Variants in EIF5B observed in about 807,000 individuals in gnomAD.
The protein encoded by EIF5B is eukaryotic translation initiation factor 5B.
A neutral mutation model predicts 147.5 loss-of-function variants in EIF5B; 47 were observed. That is an observed-to-expected ratio of 0.32 (90% CI 0.25 to 0.41). EIF5B has a LOEUF of 0.41. Ranked by LOEUF, EIF5B falls within the 10% of genes least tolerant of loss-of-function variation. EIF5B has a pLI of 1.00. For synonymous variants in EIF5B, 455 were observed against 456.2 expected, an observed-to-expected ratio of 1.00 and a Z score of 0.03; for missense variants, 1,064 against 1,413.2, an observed-to-expected ratio of 0.75 and a Z score of 3.96.
Position 99,394,702 on chromosome 2 carries a change from G to A in EIF5B, c.3090-17G>A, listed in dbSNP as rs1469025672. 3.7e-6 allele frequency: 6 copies of A among 1,610,258 alleles called. No homozygotes were observed. The highest frequency in any genetic ancestry group is 2.2e-5 in the South Asian group (2 of 90,524). The stretch of plus-strand genomic sequence containing the variant: ...TGTTTTTCACTGAATGGTCTTTGAT[G>A]TGTTTTAACCTTTTAGGTATGCAGT... On this transcript the variant is annotated splice_polypyrimidine_tract_variant and intron_variant, in intron 20 of 23. Coordinates refer to ENST00000289371, the MANE Select transcript of EIF5B (RefSeq NM_015904.4).
At chr2:99,386,546 T>G (rs956193936) in intron 14 of EIF5B, among the ~76,000 whole-genome samples, 9 of 150,756 alleles carry the variant, frequency 6.0e-5, no homozygotes, top group African/African-American at 2.0e-4. Flanking sequence ...TTTTTTTTTT[T>G]GGAGACCATC....
intron 21 of EIF5B, 126 bp from the exon 22 acceptor site, chr2:99,396,634 C>G (rs541027054): frequency 8.1e-7 from 1 of 1,234,122 alleles, no homozygotes; most frequent in Non-Finnish European, 1.1e-6. Context: ...CTGCCTGCCC[C>G]TCTCCTGTGG....
At chr2:99,382,657 G>A (rs1674714312) in intron 13 of EIF5B, 123 bp from the exon 14 acceptor site, 1 of 984,212 alleles carries the variant, frequency 1.0e-6, no homozygotes, top group East Asian at 2.8e-5. Flanking sequence ...AGGGCTAATA[G>A]TACTTGAACA....
chr2:99,374,727 G>A (rs1045971441), intron 9 of EIF5B, among the ~76,000 whole-genome samples: 11 of 152,174 alleles, frequency 7.2e-5, no homozygotes, highest in Non-Finnish European at 1.0e-4. Context: ...TTATCATGAC[G>A]TACCCAGAAT....
intron 17 of EIF5B, among the ~76,000 whole-genome samples, chr2:99,392,243 T>C (rs1674952606): frequency 1.3e-5 from 2 of 151,906 alleles, no homozygotes; most frequent in Admixed American, 1.3e-4. Context: ...CCCGGCTAAT[T>C]TTTGTATTTT....
chr2:99,383,033 C>CA (rs1674724376), intron 14 of EIF5B, 112 bp downstream of exon 14: 6 of 1,063,874 alleles, frequency 5.6e-6, no homozygotes, highest in Non-Finnish European at 7.7e-6. Flanking sequence ...TTGTGCTTCA[C>CA]TATATTGTGC....
chr2:99,385,124 G>A (rs558978427), intron 14 of EIF5B, among the ~76,000 whole-genome samples: 5 of 152,096 alleles, frequency 3.3e-5, no homozygotes, highest in South Asian at 4.2e-4. Context: ...TCAGCTCACC[G>A]CAACCTCTGC....
At chr2:99,338,989 C>T (rs60971723) in intron 1 of EIF5B, among the ~76,000 whole-genome samples, 14 of 58,740 alleles carry the variant, frequency 2.4e-4, no homozygotes, top group East Asian at 2.4e-3. Context: ...CAAATATATA[C>T]ACAAATATAT....
At chr2:99,365,678 T>G (rs992006188) in intron 6 of EIF5B, among the ~76,000 whole-genome samples, 9 of 151,842 alleles carry the variant, frequency 5.9e-5, no homozygotes, top group Admixed American at 5.2e-4. Context: ...TGGTGGACTT[T>G]TAGCATCAGT....
chr2:99,358,960 G>C (rs571329851), intron 1 of EIF5B, among the ~76,000 whole-genome samples: 1 of 152,298 alleles, frequency 6.6e-6, no homozygotes, highest in Non-Finnish European at 1.5e-5. Flanking sequence ...CTGGTTTGCT[G>C]TCTTCCCTAT....
In EIF5B at chr2:99,361,455, A is replaced by T; in HGVS notation, c.554A>T (p.Glu185Val). 6.2e-7 allele frequency: 1 copy of T among 1,614,074 alleles called. No homozygotes were observed. ...CGTTCAAGAATAAATTCTTCTGGTGAAAGTGGTGATGAATCAGATGAATTT... is the reference window on the plus strand; with the variant it reads ...CGTTCAAGAATAAATTCTTCTGGTGTAAGTGGTGATGAATCAGATGAATTT... ...KERSRINSSG[E>V]SGDESDEFLQ... Residue 185 changes from glutamate (E) to valine (V), a missense_variant, in exon 4 of 24, where the codon GAA (glutamate) becomes GTA (valine). Coordinates refer to ENST00000289371, the MANE Select transcript of EIF5B (RefSeq NM_015904.4).
Position 99,371,707 on chromosome 2 carries a change from C to T in EIF5B, c.1529C>T (p.Ala510Val). Residue 510 changes from alanine (A) to valine (V), a missense_variant, in exon 9 of 24, where the codon GCC (alanine) becomes GTC (valine). By Grantham distance (64) the Ala-to-Val change is moderately conservative. Transcript: ENST00000289371. ...DAGLDDWEAM[A>V]SDEETEKVEG... ...GGATTGGATGATTGGGAAGCTATGGCCAGTGATGAGGAGACAGAAAAAGGT... is the reference window on the plus strand; with the variant it reads ...GGATTGGATGATTGGGAAGCTATGGTCAGTGATGAGGAGACAGAAAAAGGT... 4 of 1,612,746 alleles carry T rather than the reference C, an allele frequency of 2.5e-6. No individual in the cohort carries two copies. The highest frequency in any genetic ancestry group is 2.2e-5 in the East Asian group (1 of 44,800).
intron 1 of EIF5B, among the ~76,000 whole-genome samples, chr2:99,357,507 G>T (rs563601967): frequency 6.6e-6 from 1 of 152,168 alleles, no homozygotes; most frequent in Non-Finnish European, 1.5e-5. Flanking sequence ...TTAAAAAACT[G>T]TTCATCTTAT....
chr2:99,376,413 A>T lies in EIF5B; in HGVS notation c.1619A>T (p.Glu540Val). Residue 540 changes from glutamate to valine, a missense_variant, in exon 10 of 24, where the codon GAG (glutamate) becomes GTG (valine). Around this residue, in one of 4 missense-constraint regions of EIF5B, gnomAD observed 195 missense variants for 186.3 expected, o/e 1.05. Transcript: ENST00000289371. ...NPEEEEEEEE[E>V]EEEDEESEEE... ...GAAGAGGAGGAGGAGGAGGAAGAAGAGGAAGAAGAAGATGAAGAAAGTGAA... is the reference window on the plus strand; with the variant it reads ...GAAGAGGAGGAGGAGGAGGAAGAAGTGGAAGAAGAAGATGAAGAAAGTGAA... 1 of 1,564,560 alleles carries T rather than the reference A, an allele frequency of 6.4e-7. No individual in the cohort carries two copies. The highest frequency in any genetic ancestry group is 8.8e-7 in the Non-Finnish European group (1 of 1,139,466).
Position 99,382,142 on chromosome 2 carries a change from T to A in EIF5B, c.2062-17T>A. ...TCTGACTTTCTTAAACTTTGAACTT[T>A]TCCCCATTGTTTCTAGTTTGATAGA... On this transcript the variant is annotated splice_polypyrimidine_tract_variant and intron_variant, in intron 12 of 23. Coordinates refer to ENST00000289371, the MANE Select transcript of EIF5B (RefSeq NM_015904.4). 1 of 1,609,526 alleles carries A rather than the reference T, an allele frequency of 6.2e-7. No individual in the cohort carries two copies. Among genetic ancestry groups the A allele is most frequent in the Non-Finnish European group, 8.5e-7 (1 of 1,176,940 alleles).
At chr2:99,368,852 C>A (rs1291819188) in intron 7 of EIF5B, among the ~76,000 whole-genome samples, 1 of 152,208 alleles carries the variant, frequency 6.6e-6, no homozygotes, top group East Asian at 1.9e-4. Flanking sequence ...AGTAAAACTA[C>A]CATTCTTATC....
At position 99,368,541 on chromosome 2, in the gene EIF5B, A is replaced by T. The variant is rs762241136; in HGVS notation, c.1337A>T (p.Tyr446Phe). The change falls in exon 7 of 24, where the codon TAT becomes TTT. Residue 446 changes from tyrosine to phenylalanine, a missense_variant. Coordinates refer to ENST00000289371, the MANE Select transcript of EIF5B (RefSeq NM_015904.4). Reference protein sequence around the residue: ...KDSLPKKRPIYEDKKRKKIPQ... With the variant: ...KDSLPKKRPIFEDKKRKKIPQ... ...TCTTTGCCAAAGAAGAGGCCAATTT[A>T]TGAAGATAAAAAGAGGAAAAAAATA... The T allele has an allele frequency of 6.2e-7, 1 of 1,613,738 alleles. No homozygotes were observed. Among genetic ancestry groups the T allele is most frequent in the African/African-American group, 1.3e-5 (1 of 74,900 alleles).
At chr2:99,373,650 C>A (rs1359701432) in intron 9 of EIF5B, among the ~76,000 whole-genome samples, 1 of 152,106 alleles carries the variant, frequency 6.6e-6, no homozygotes, top group African/African-American at 2.4e-5. Context: ...TCCAGTTTGT[C>A]AATCTTTATA....
At position 99,389,103 on chromosome 2, in the gene EIF5B, G is replaced by A. The variant is rs557769035; in HGVS notation, c.2272-615G>A. ...CATTTCCTACTGATTTGTCTCCTTA[G>A]TAGCATTCAGATTCGTCTGATTCTT... On this transcript the variant is annotated intron_variant, in intron 14 of 23. Coordinates refer to ENST00000289371, the MANE Select transcript of EIF5B (RefSeq NM_015904.4). Among the ~76,000 whole-genome samples the A allele has an allele frequency of 3.4e-3, 514 of 152,202 alleles. 3 individuals carry two copies. The highest frequency in any genetic ancestry group is 0.011 in the African/African-American group (446 of 41,536).
Sources: gnomAD v4.1 joint callset for allele counts (sites outside exome capture counted in the v4.1 genomes callset) on GRCh38, gnomAD v4.1.1 for gene constraint, gnomAD v4.1.1 regional missense constraint, MANE v1.5 for transcripts, NCBI Gene and HGNC (gene_info 2026-07-23, HGNC 2026-07-21) for gene names.